Variants in AGBL4 observed in about 807,000 individuals in gnomAD.
The protein encoded by AGBL4 is cytosolic carboxypeptidase 6.
Under a neutral mutation model 66.4 loss-of-function variants are expected in AGBL4, and 58 were observed. The observed-to-expected ratio is 0.87, with a 90% CI of 0.71 to 1.09. The LOEUF (loss-of-function observed/expected upper bound fraction) is 1.09. Ranked by LOEUF, AGBL4 falls within the 50% of genes least tolerant of loss-of-function variation. The pLI, the probability that AGBL4 is intolerant of heterozygous loss-of-function variation, is 0.00. For synonymous variants in AGBL4, 234 were observed against 222.9 expected, an observed-to-expected ratio of 1.05 and a Z score of -0.44; for missense variants, 579 against 631.0, an observed-to-expected ratio of 0.92 and a Z score of 0.88.
chr1:49,976,898 T>G (rs1658604066), intron 1 of AGBL4, among the ~76,000 whole-genome samples: 1 of 152,232 alleles, frequency 6.6e-6, no homozygotes, highest in South Asian at 2.1e-4. Context: ...CCATCTCAAT[T>G]TCTTAACTTA....
At chr1:49,015,583 T>C (rs976616708) in intron 5 of AGBL4, among the ~76,000 whole-genome samples, 1 of 151,882 alleles carries the variant, frequency 6.6e-6, no homozygotes, top group East Asian at 2.0e-4. Context: ...CCACCACGCC[T>C]GGCTAATTTT....
chr1:49,116,415 C>A (rs1478316910), intron 4 of AGBL4, among the ~76,000 whole-genome samples: 2 of 152,188 alleles, frequency 1.3e-5, no homozygotes, highest in Non-Finnish European at 2.9e-5. Flanking sequence ...ACTCCCCATC[C>A]TGTGTCCAAG....
At chr1:49,518,600 C>A (rs1409450850) in intron 3 of AGBL4, among the ~76,000 whole-genome samples, 1 of 151,994 alleles carries the variant, frequency 6.6e-6, no homozygotes, top group African/African-American at 2.4e-5. Context: ...ACCTCTCTAT[C>A]CTTGGTTTCT....
At chr1:49,283,312 T>C (rs1242971349) in intron 3 of AGBL4, among the ~76,000 whole-genome samples, 2 of 152,310 alleles carry the variant, frequency 1.3e-5, no homozygotes, top group Admixed American at 1.3e-4. Flanking sequence ...CTGAGGGTCC[T>C]ATCTGTTAGA....
intron 1 of AGBL4, among the ~76,000 whole-genome samples, chr1:49,855,342 G>A (rs1646406899): frequency 6.6e-6 from 1 of 152,098 alleles, no homozygotes; most frequent in African/African-American, 2.4e-5. Flanking sequence ...CCCACATTCA[G>A]CATTGGACAC....
At chr1:49,970,498 G>A (rs942681375) in intron 1 of AGBL4, among the ~76,000 whole-genome samples, 1 of 151,762 alleles carries the variant, frequency 6.6e-6, no homozygotes, top group Non-Finnish European at 1.5e-5. Context: ...TATAAGAATC[G>A]GTGCCTGGCC....
intron 3 of AGBL4, among the ~76,000 whole-genome samples, chr1:49,636,749 G>A (rs1645680220): frequency 6.6e-6 from 1 of 152,158 alleles, no homozygotes; most frequent in East Asian, 1.9e-4. Context: ...ATGGTGGGGA[G>A]GAGTCTTCAG....
At chr1:49,144,526 TACACACACACACACACAC>T (rs58163314) in intron 4 of AGBL4, among the ~76,000 whole-genome samples, 2 of 146,106 alleles carry the variant, frequency 1.4e-5, no homozygotes, top group African/African-American at 5.0e-5. Flanking sequence ...TTACCTAATC[TACACACACACACACACAC>T]ACACACACAC....
At chr1:48,699,498 A>T (rs1034968895) in intron 6 of AGBL4, among the ~76,000 whole-genome samples, 1 of 152,318 alleles carries the variant, frequency 6.6e-6, no homozygotes, top group Non-Finnish European at 1.5e-5. Context: ...CAGCATCTGT[A>T]CCTGATGCCT....
At chr1:49,336,077 G>A (rs1050924699) in intron 3 of AGBL4, among the ~76,000 whole-genome samples, 1 of 152,006 alleles carries the variant, frequency 6.6e-6, no homozygotes, top group African/African-American at 2.4e-5. Context: ...AAAATCCCAG[G>A]ATCTGCAGTC....
intron 6 of AGBL4, among the ~76,000 whole-genome samples, chr1:48,836,057 A>G (rs949639636): frequency 2.0e-4 from 31 of 152,196 alleles, no homozygotes; most frequent in African/African-American, 7.2e-4. Context: ...CAGTTAGAGG[A>G]CTATTGCAGT....
chr1:48,844,867 G>A (rs1269055261), intron 6 of AGBL4, among the ~76,000 whole-genome samples: 1 of 152,138 alleles, frequency 6.6e-6, no homozygotes, highest in African/African-American at 2.4e-5. Flanking sequence ...CTGTATGGTA[G>A]GATAAATTCC....
intron 5 of AGBL4, among the ~76,000 whole-genome samples, chr1:49,022,296 C>G (rs1663306827): frequency 6.6e-6 from 1 of 150,414 alleles, no homozygotes; most frequent in African/African-American, 2.4e-5. Flanking sequence ...TAAATTATTC[C>G]AATCCAAGAT....
intron 1 of AGBL4, among the ~76,000 whole-genome samples, chr1:49,925,233 G>A (rs1047970729): frequency 2.0e-5 from 3 of 152,130 alleles, no homozygotes; most frequent in African/African-American, 4.8e-5. Context: ...GCAGAGTCAC[G>A]GGGCCCTCAT....
intron 1 of AGBL4, among the ~76,000 whole-genome samples, chr1:49,948,041 TAA>T (rs1655509884): frequency 2.8e-4 from 2 of 7,034 alleles, no homozygotes; most frequent in Non-Finnish European, 1.3e-3. Flanking sequence ...TATATACATA[TAA>T]ATATATAAAT....
At chr1:49,852,958 G>A (rs938248336) in intron 1 of AGBL4, among the ~76,000 whole-genome samples, 24 of 152,044 alleles carry the variant, frequency 1.6e-4, no homozygotes, top group African/African-American at 5.8e-4. Context: ...TGAACTCCAA[G>A]CTAGGTTGAC....
chr1:48,557,938 GA>G (rs1411710202), intron 11 of AGBL4, among the ~76,000 whole-genome samples: 1 of 142,940 alleles, frequency 7.0e-6, no homozygotes, highest in Non-Finnish European at 1.6e-5. Flanking sequence ...TGAGAACAGA[GA>G]CTACCTCTTC....
chr1:49,277,921 A>G (rs10888655), intron 3 of AGBL4, among the ~76,000 whole-genome samples: 7,456 of 152,190 alleles, frequency 0.049, 275 homozygotes, highest in East Asian at 0.16. Context: ...CCTTTTTCTA[A>G]TTGATTTTTC....
At chr1:49,588,942 ATGGGTGAAC>A (rs150478383) in intron 3 of AGBL4, among the ~76,000 whole-genome samples, 18,824 of 152,100 alleles carry the variant, frequency 0.12, 1,660 homozygotes, top group African/African-American at 0.24. Context: ...TGTTAGAAAT[ATGGGTGAAC>A]TGGGGATTTT....
Sources: allele counts gnomAD v4.1 joint callset (sites outside exome capture counted in the v4.1 genomes callset), GRCh38; gene constraint gnomAD v4.1.1; transcripts MANE v1.5; gene names NCBI Gene and HGNC (gene_info 2026-07-23, HGNC 2026-07-21).